GSTM3: variants seen among roughly 807,000 people sequenced by gnomAD.
The protein encoded by GSTM3 is glutathione S-transferase mu 3.
GSTM3 carries 34 observed loss-of-function variants against 36.1 expected under a neutral mutation model. The ratio of observed to expected loss-of-function variants is 0.94; its 90% confidence interval spans 0.72 to 1.25. The LOEUF is 1.25. Ranked by LOEUF, GSTM3 falls within the 50% of genes most tolerant of loss-of-function variation. The pLI is 0.00. For missense variants in GSTM3, 266 were observed against 281.6 expected (o/e 0.94, Z 0.40); for synonymous variants, 102 against 99.5 (o/e 1.03, Z -0.15).
intron 2 of GSTM3, 127 bp from the exon 3 acceptor site, chr1:109,740,035 AG>A: frequency 1.1e-6 from 1 of 918,638 alleles, no homozygotes; most frequent in South Asian, 1.5e-5. Flanking sequence ...AGCGGCCCCT[AG>A]GCCCGGCTCC....
chr1:109,740,559 G>T lies in GSTM3; in HGVS notation c.-224-48C>A, dbSNP rs553249193. On this transcript the variant is annotated intron_variant, in intron 1 of 8. Transcript: ENST00000361066. ...AGGTTGAGGCTCCTCCCTTCCCCGC[G>T]GGTGGGAGCCAGACTTCATTCATTA... 5.8e-6 allele frequency: 3 copies of T among 517,512 alleles called. No homozygotes were observed. In the South Asian group the frequency reaches 6.9e-5, roughly 12 times the overall value. The allele number at this position is 517,512 out of a possible 1,614,324, so 32.1% of individuals were successfully genotyped here.
At chr1:109,738,242 A>G in intron 5 of GSTM3, 43 bp downstream of exon 5, 2 of 1,601,470 alleles carry the variant, frequency 1.2e-6, no homozygotes, top group Admixed American at 3.3e-5. Flanking sequence ...ACTCTCAGAC[A>G]AACTACCAGC....
intron 3 of GSTM3, 76 bp downstream of exon 3, chr1:109,739,755 CCA>C: frequency 8.7e-7 from 1 of 1,154,586 alleles, no homozygotes. Flanking sequence ...TGGCGCGACG[CCA>C]CCACCCTCTG....
At position 109,737,123 on chromosome 1, in the gene GSTM3, T is replaced by C. The variant is rs1221081603; in HGVS notation, c.626A>G (p.Lys209Arg). 6.2e-7 allele frequency: 1 copy of C among 1,613,948 alleles called. No homozygotes were observed. The highest frequency in any genetic ancestry group is 8.5e-7 in the Non-Finnish European group (1 of 1,179,882). The stretch of plus-strand genomic sequence containing the variant: ...GGCCATCTTGTTGTTGATGGGCATC[T>C]TGCAGAACTGATCAGACTGTAAGTA... ...AAYLQSDQFCKMPINNKMAQW... is the reference protein window; with the variant it reads ...AAYLQSDQFCRMPINNKMAQW... Residue 209 changes from lysine to arginine, a missense_variant, in exon 9 of 9, where the codon AAG becomes AGG. Lys to Arg is a conservative substitution (Grantham distance 26). Coordinates refer to ENST00000361066, the MANE Select transcript of GSTM3 (RefSeq NM_000849.5).
chr1:109,737,354 C>T (rs766842338), intron 8 of GSTM3, 103 bp downstream of exon 8: 3 of 873,368 alleles, frequency 3.4e-6, no homozygotes, highest in Admixed American at 3.7e-5. Context: ...AACCATTGAT[C>T]CCATTAGGCA....
chr1:109,738,510 G>C, intron 4 of GSTM3, 144 bp from the exon 5 acceptor site: 1 of 618,192 alleles, frequency 1.6e-6, no homozygotes. Context: ...ATAAGTAGAA[G>C]GTAGCAACTG....
At chr1:109,738,597 T>G (rs781532826) in intron 4 of GSTM3, among the ~76,000 whole-genome samples, 5 of 152,194 alleles carry the variant, frequency 3.3e-5, no homozygotes, top group Admixed American at 6.5e-5. Flanking sequence ...ATGGACCTTT[T>G]CTCAGAATAA....
chr1:109,735,104 T>C lies in GSTM3; in HGVS notation c.*1967A>G, dbSNP rs1557977989. The stretch of plus-strand genomic sequence containing the variant: ...ACTTCCACCATGGAGTCTGGGCCTT[T>C]ATCCCACTTGCCTGCAGTAAGACTG... On this transcript the variant is annotated 3_prime_UTR_variant, in exon 9 of 9. Coordinates refer to ENST00000361066, the MANE Select transcript of GSTM3 (RefSeq NM_000849.5). 6.6e-6 allele frequency: 1 copy of C among 152,248 alleles called. No individual in the cohort carries two copies. The highest frequency in any genetic ancestry group is 1.9e-4 in the East Asian group (1 of 5,206). 9.4% of individuals were successfully genotyped at this position (152,248 alleles called of 1,614,324 possible).
At chr1:109,740,045 C>G in intron 2 of GSTM3, 137 bp from the exon 3 acceptor site, 2 of 882,520 alleles carry the variant, frequency 2.3e-6, no homozygotes, top group Non-Finnish European at 3.6e-6. Context: ...AGGCCCGGCT[C>G]CGGCGTGGTC....
intron 1 of GSTM3, 96 bp from the exon 2 acceptor site, chr1:109,740,607 A>G: frequency 5.3e-6 from 2 of 378,922 alleles, no homozygotes. Context: ...AAGACGCGAA[A>G]AGCACCACTA....
chr1:109,740,868 C>T, intron 1 of GSTM3, 85 bp downstream of exon 1: 1 of 158,174 alleles, frequency 6.3e-6, no homozygotes, highest in Non-Finnish European at 1.4e-5. Context: ...ACTTCATAAG[C>T]CAGCCCAACC....
chr1:109,740,572 A>C (rs925692838), intron 1 of GSTM3, 61 bp from the exon 2 acceptor site: 1 of 491,908 alleles, frequency 2.0e-6, no homozygotes, highest in African/African-American at 2.1e-5. Flanking sequence ...TGGGAGCCAG[A>C]CTTCATTCAT....
chr1:109,737,499 C>G lies in GSTM3; in HGVS notation c.537G>C (p.Leu179=), dbSNP rs149101179. 8.7e-4 allele frequency: 1,406 copies of G among 1,613,344 alleles called. No homozygotes were observed. Among genetic ancestry groups the G allele is most frequent in the Non-Finnish European group, 1.1e-3 (1,342 of 1,179,504 alleles). The change falls in exon 8 of 9, where the codon CTG becomes CTC. Residue 179 remains leucine, a synonymous_variant. Transcript: ENST00000361066. ...AAGCCTTCAGGTTTGGGAACTCATC[C>G]AGGCACTTGGGGTCAAATATACGGT... ...DQNRIFDPKC[L]DEFPNLKAFM...
At chr1:109,740,029 GC>G (rs1649322642) in intron 2 of GSTM3, 121 bp from the exon 3 acceptor site, 1 of 929,498 alleles carries the variant, frequency 1.1e-6, no homozygotes. Context: ...TGGTTAAGCG[GC>G]CCCTAGGCCC....
At chr1:109,738,032 T>G in intron 6 of GSTM3, 59 bp downstream of exon 6, 2 of 1,070,478 alleles carry the variant, frequency 1.9e-6, no homozygotes, top group African/African-American at 1.5e-5. Flanking sequence ...AACCCTTGGG[T>G]TCCTAAATAC....
chr1:109,740,544 T>C (rs1649352184), intron 1 of GSTM3, 33 bp from the exon 2 acceptor site: 2 of 528,546 alleles, frequency 3.8e-6, no homozygotes, highest in African/African-American at 2.0e-5. Flanking sequence ...AGGTTGAGGC[T>C]CCTCCCTTCC....
chr1:109,737,848 TG>T, intron 6 of GSTM3, 97 bp from the exon 7 acceptor site: 1 of 800,176 alleles, frequency 1.2e-6, no homozygotes, highest in Non-Finnish European at 2.1e-6. Context: ...CTTCTCTAGG[TG>T]GGTTCTCATT....
At position 109,739,420 on chromosome 1, in the gene GSTM3, G is replaced by A. The variant is rs1649302305; in HGVS notation, c.189+9C>T. ...CCTTCTGCCCGCCACCTCTACTAAA[G>A]CCACTTACATTAGGAAAGTCCAGGT... On this transcript the variant is annotated intron_variant, in intron 4 of 8. Transcript: ENST00000361066. 1 of 1,604,102 alleles carries A rather than the reference G, an allele frequency of 6.2e-7. No homozygotes were observed. Among genetic ancestry groups the A allele is most frequent in the Non-Finnish European group, 8.5e-7 (1 of 1,171,564 alleles).
chr1:109,737,195 A>G (rs1649225547), intron 8 of GSTM3, 26 bp from the exon 9 acceptor site: 3 of 1,514,744 alleles, frequency 2.0e-6, no homozygotes, highest in African/African-American at 1.4e-5. Context: ...ACCAAATCTT[A>G]TAACGACCCC....
Sources: allele counts gnomAD v4.1 joint callset (sites outside exome capture counted in the v4.1 genomes callset), GRCh38; gene constraint gnomAD v4.1.1; transcripts MANE v1.5; gene names NCBI Gene and HGNC (gene_info 2026-07-23, HGNC 2026-07-21).